The following KLRG1 variants were observed in gnomAD, a reference collection of about 807,000 sequenced individuals.
KLRG1 encodes the protein killer cell lectin like receptor G1, also known as killer cell lectin-like receptor subfamily G member 1.
KLRG1 carries 16 observed loss-of-function variants against 21.8 expected under a neutral mutation model. The observed-to-expected ratio is 0.73, with a 90% CI of 0.50 to 1.11. The LOEUF (loss-of-function observed/expected upper bound fraction) is 1.11, where lower values mean the gene tolerates loss of function less well. KLRG1 is among the 50% of genes most tolerant of loss of function. The pLI, the probability that KLRG1 is intolerant of heterozygous loss-of-function variation, is 0.00. For missense variants in KLRG1, 173 were observed against 218.3 expected, an observed-to-expected ratio of 0.79 and a Z score of 1.31; for synonymous variants, 69 against 75.9, an observed-to-expected ratio of 0.91 and a Z score of 0.47.
chr12:8,989,578 C>G lies in KLRG1; in HGVS notation c.-58C>G. The G allele has an allele frequency of 9.4e-7, 1 of 1,064,282 alleles. No individual in the cohort carries two copies. Among genetic ancestry groups the G allele is most frequent in the Non-Finnish European group, 1.4e-6 (1 of 695,968 alleles). 65.9% of individuals were successfully genotyped at this position (1,064,282 alleles called of 1,614,324 possible). ...GGGCTGTTTCCTCACTGATACATAT[C>G]CCTTCACACTTCTATAATTTAACTC... is the stretch of plus-strand genomic sequence containing the variant. On this transcript the variant is annotated 5_prime_UTR_variant, in exon 1 of 5. The change creates a new upstream start codon in the 5' untranslated region. Transcript: ENST00000356986.
chr12:9,099,314 A>T, the KLRG1 span: 1 of 1,475,630 alleles, frequency 6.8e-7, no homozygotes, highest in East Asian at 2.5e-5. Flanking sequence ...CACATGTGTA[A>T]AACAAATGAT....
At chr12:9,162,368 C>A in the KLRG1 span, 1 of 480,322 alleles carries the variant, frequency 2.1e-6, no homozygotes, top group Non-Finnish European at 3.7e-6. Context: ...ACGTATGAAC[C>A]AAGAAAGCCC....
chr12:9,173,945 G>A, the KLRG1 span, among the ~76,000 whole-genome samples: 3 of 152,088 alleles, frequency 2.0e-5, no homozygotes, highest in African/African-American at 7.2e-5. Flanking sequence ...TCCAAAAATT[G>A]AAAAGGAGGG....
At chr12:9,051,974 G>A in the KLRG1 span, among the ~76,000 whole-genome samples, 4 of 152,164 alleles carry the variant, frequency 2.6e-5, no homozygotes, top group South Asian at 2.1e-4. Context: ...CACTATGCAC[G>A]AAGGTGGCAT....
the KLRG1 span, chr12:9,181,002 G>A: frequency 1.9e-5 from 31 of 1,613,758 alleles, no homozygotes; most frequent in Middle Eastern, 1.6e-4. Flanking sequence ...AGAGAGCTCA[G>A]CCTCAGGCTT....
the KLRG1 span, chr12:9,202,589 T>C: frequency 6.2e-7 from 1 of 1,614,144 alleles, no homozygotes; most frequent in Non-Finnish European, 8.5e-7. Context: ...GGGTGTTCAG[T>C]ACCAGAACTG....
the KLRG1 span, among the ~76,000 whole-genome samples, chr12:9,211,987 T>C: frequency 8.0e-4 from 122 of 152,208 alleles, no homozygotes; most frequent in African/African-American, 2.8e-3. Flanking sequence ...GGGTCTACTT[T>C]AGAGTCCACA....
the KLRG1 span, chr12:9,164,189 C>T: frequency 1.2e-6 from 2 of 1,609,968 alleles, no homozygotes; most frequent in African/African-American, 2.7e-5. Flanking sequence ...TCCACAGATA[C>T]AATAGGATTC....
the KLRG1 span, among the ~76,000 whole-genome samples, chr12:9,026,200 G>A: frequency 1.3e-5 from 2 of 152,188 alleles, no homozygotes; most frequent in Non-Finnish European, 2.9e-5. Context: ...GTAGCCAGAA[G>A]TAGGCAAGAA....
At chr12:8,989,208 C>T (rs1161967753), upstream of KLRG1, among the ~76,000 whole-genome samples, 1 of 152,128 alleles carries the variant, frequency 6.6e-6, no homozygotes, top group Non-Finnish European at 1.5e-5. Flanking sequence ...CCAAAAGTTC[C>T]AAGAAATGAT....
the KLRG1 span, among the ~76,000 whole-genome samples, chr12:9,111,201 T>G: frequency 3.9e-5 from 6 of 152,228 alleles, no homozygotes; most frequent in Non-Finnish European, 8.8e-5. Flanking sequence ...TACCTTCTCA[T>G]GCGCTGTGTA....
the KLRG1 span, chr12:9,194,298 T>C: frequency 6.7e-7 from 1 of 1,497,082 alleles, no homozygotes; most frequent in Non-Finnish European, 9.1e-7. Context: ...ACTGAACTCA[T>C]GTGAACAAAT....
chr12:9,074,470 A>AT, the KLRG1 span: 11 of 1,266,096 alleles, frequency 8.7e-6, no homozygotes, highest in African/African-American at 1.2e-4. Context: ...TGTCATCTGT[A>AT]TTTTTTTCTT....
chr12:9,115,856 G>GA, the KLRG1 span: 1 of 1,611,496 alleles, frequency 6.2e-7, no homozygotes, highest in Non-Finnish European at 8.5e-7. Flanking sequence ...CCATGTTGCA[G>GA]AAAGAAGGAG....
At chr12:9,056,372 T>C in the KLRG1 span, among the ~76,000 whole-genome samples, 3 of 152,188 alleles carry the variant, frequency 2.0e-5, no homozygotes, top group African/African-American at 7.2e-5. Flanking sequence ...CTGCTCATGC[T>C]ACAGTGTTCA....
downstream of KLRG1, among the ~76,000 whole-genome samples, chr12:9,013,714 G>A (rs1204309048): frequency 6.6e-6 from 1 of 152,062 alleles, no homozygotes; most frequent in Non-Finnish European, 1.5e-5. Flanking sequence ...AATGAGAATA[G>A]CATGGGAAAG....
At chr12:9,113,502 G>T in the KLRG1 span, 81 of 1,613,810 alleles carry the variant, frequency 5.0e-5, no homozygotes, top group Non-Finnish European at 6.4e-5. Flanking sequence ...CTTCTCAGTG[G>T]TCTCAGTGTG....
At chr12:9,081,025 T>A in the KLRG1 span, among the ~76,000 whole-genome samples, 1 of 152,166 alleles carries the variant, frequency 6.6e-6, no homozygotes, top group Non-Finnish European at 1.5e-5. Flanking sequence ...GTAGCAGTTA[T>A]CTTCCCTTTC....
downstream of KLRG1, among the ~76,000 whole-genome samples, chr12:9,012,047 A>G (rs1448695558): frequency 1.3e-5 from 2 of 152,196 alleles, no homozygotes; most frequent in Non-Finnish European, 2.9e-5. Context: ...AATCTAGGCT[A>G]CAAGGACCAC....
Sources: allele counts gnomAD v4.1 joint callset (sites outside exome capture counted in the v4.1 genomes callset), GRCh38; gene constraint gnomAD v4.1.1; transcripts MANE v1.5; gene names NCBI Gene and HGNC (gene_info 2026-07-23, HGNC 2026-07-21).